FGF10: variants seen among roughly 807,000 people sequenced by gnomAD.
The protein encoded by FGF10 is FGF-10.
In FGF10, 2 loss-of-function variants were observed where a neutral mutation model predicts 19.8. That is an observed-to-expected ratio of 0.10 (90% confidence interval 0.04 to 0.32). FGF10 has a LOEUF of 0.32. Ranked by LOEUF, FGF10 falls within the 10% of genes least tolerant of loss-of-function variation. FGF10 has a pLI of 1.00. For synonymous variants in FGF10, 112 were observed against 94.0 expected, an observed-to-expected ratio of 1.19 and a Z score of -1.10; for missense variants, 191 against 246.3, an observed-to-expected ratio of 0.78 and a Z score of 1.50.
chr5:44,349,443 T>TC (rs1432271611), intron 1 of FGF10, among the ~76,000 whole-genome samples: 7 of 12,462 alleles, frequency 5.6e-4, no homozygotes, highest in African/African-American at 1.5e-3. Flanking sequence ...TATATATATA[T>TC]ATATATATAT....
chr5:44,340,156 A>G (rs374871472), intron 1 of FGF10, among the ~76,000 whole-genome samples: 7 of 152,152 alleles, frequency 4.6e-5, no homozygotes, highest in African/African-American at 1.7e-4. Flanking sequence ...AAAGGAGTGT[A>G]TAAAAATGAC....
intron 1 of FGF10, among the ~76,000 whole-genome samples, chr5:44,321,703 C>T (rs967815673): frequency 3.3e-5 from 5 of 152,214 alleles, no homozygotes; most frequent in Non-Finnish European, 5.9e-5. Context: ...CATTAAAGTA[C>T]ATGCTCTTAA....
intron 1 of FGF10, among the ~76,000 whole-genome samples, chr5:44,366,822 C>T (rs1269792902): frequency 4.6e-5 from 7 of 151,970 alleles, no homozygotes; most frequent in Non-Finnish European, 1.0e-4. Context: ...AAAATGGCTA[C>T]ATATAGATGT....
Position 44,373,142 on chromosome 5 carries a change from T to C in FGF10, c.325+15216A>G, listed in dbSNP as rs1741779747. 3.3e-5 allele frequency among the ~76,000 whole-genome samples: 5 copies of C among 152,300 alleles called. No homozygotes were observed. In the South Asian group the frequency reaches 1.0e-3, roughly 32 times the overall value. ...TCTCAAAAACTCTGTGGTCCTCCCATGTATGTCACAGGGATTCATGCCATG... is the reference window on the plus strand; with the variant it reads ...TCTCAAAAACTCTGTGGTCCTCCCACGTATGTCACAGGGATTCATGCCATG... On this transcript the variant is annotated intron_variant, in intron 1 of 2. Coordinates refer to ENST00000264664, the MANE Select transcript of FGF10 (RefSeq NM_004465.2).
chr5:44,352,998 G>A lies in FGF10; in HGVS notation c.325+35360C>T, dbSNP rs570865150. ...AGAAAATGTTTTGTAATTTAAAAAAGATTTCTTAGTATGACACAATGCCAT... is the reference window on the plus strand; with the variant it reads ...AGAAAATGTTTTGTAATTTAAAAAAAATTTCTTAGTATGACACAATGCCAT... On this transcript the variant is annotated intron_variant, in intron 1 of 2. Transcript: ENST00000264664. Among the ~76,000 whole-genome samples, 3 of 151,648 alleles carry A rather than the reference G, an allele frequency of 2.0e-5. No individual in the cohort carries two copies. In the East Asian group the frequency reaches 5.9e-4, roughly 30 times the overall value.
intron 1 of FGF10, among the ~76,000 whole-genome samples, chr5:44,340,733 T>C (rs546238968): frequency 6.6e-6 from 1 of 151,890 alleles, no homozygotes; most frequent in Non-Finnish European, 1.5e-5. Flanking sequence ...ACAGCTAACC[T>C]TTTTTTCTAG....
intron 1 of FGF10, among the ~76,000 whole-genome samples, chr5:44,386,187 T>C (rs145564707): frequency 6.6e-6 from 1 of 152,162 alleles, no homozygotes; most frequent in Non-Finnish European, 1.5e-5. Context: ...AAATTCAGTG[T>C]GTACTGTGGA....
chr5:44,378,263 G>T (rs1741909807), intron 1 of FGF10, among the ~76,000 whole-genome samples: 1 of 152,124 alleles, frequency 6.6e-6, no homozygotes, highest in Non-Finnish European at 1.5e-5. Context: ...TCTACTTGTG[G>T]CATCATGTTG....
At chr5:44,336,901 C>A (rs758965356) in intron 1 of FGF10, among the ~76,000 whole-genome samples, 10 of 152,040 alleles carry the variant, frequency 6.6e-5, no homozygotes, top group East Asian at 3.9e-4. Context: ...AGACAAAGAG[C>A]GCTTACTAAC....
chr5:44,388,221 G>T, intron 1 of FGF10, 137 bp downstream of exon 1: 1 of 843,984 alleles, frequency 1.2e-6, no homozygotes, highest in African/African-American at 1.7e-5. Context: ...GAATTAGTGT[G>T]AAAGTATTCC....
At chr5:44,329,648 C>G (rs1337922111) in intron 1 of FGF10, among the ~76,000 whole-genome samples, 1 of 151,944 alleles carries the variant, frequency 6.6e-6, no homozygotes, top group Non-Finnish European at 1.5e-5. Context: ...GAGCATGTAC[C>G]CAATATAAGA....
At chr5:44,358,142 A>C (rs977562793) in intron 1 of FGF10, among the ~76,000 whole-genome samples, 4 of 151,536 alleles carry the variant, frequency 2.6e-5, no homozygotes, top group African/African-American at 9.7e-5. Flanking sequence ...GACAATTAGG[A>C]AGATTCTACA....
In FGF10 at chr5:44,388,081, C is replaced by T. The variant is rs180848666; in HGVS notation, c.325+277G>A. On this transcript the variant is annotated intron_variant, in intron 1 of 2. Coordinates refer to ENST00000264664, the MANE Select transcript of FGF10 (RefSeq NM_004465.2). ...GCACTGCAACAACTCTCTTGAGCGC[C>T]CTGCGTGGTCCGGCTAGTGACAGGC... Among the ~76,000 whole-genome samples the T allele has an allele frequency of 7.9e-5, 12 of 151,640 alleles. No homozygotes were observed. The East Asian group carries it at 2.4e-3, about 30-fold the overall frequency.
intron 1 of FGF10, among the ~76,000 whole-genome samples, chr5:44,364,464 C>T (rs1344602465): frequency 1.3e-5 from 2 of 151,818 alleles, no homozygotes; most frequent in Non-Finnish European, 1.5e-5. Flanking sequence ...GGAGGTGTTA[C>T]TGGCATTCAG....
intron 1 of FGF10, among the ~76,000 whole-genome samples, chr5:44,333,869 C>T (rs976141606): frequency 1.3e-5 from 2 of 152,114 alleles, no homozygotes; most frequent in South Asian, 2.1e-4. Context: ...CTGTGAGGAG[C>T]GTGGCTGTAG....
intron 1 of FGF10, among the ~76,000 whole-genome samples, chr5:44,374,885 A>ATT (rs11415617): frequency 1.2e-4 from 19 of 152,074 alleles, no homozygotes; most frequent in Non-Finnish European, 2.2e-4. Flanking sequence ...ATGATTACAC[A>ATT]TTTTTTTAAT....
chr5:44,315,833 G>T (rs987568492), intron 1 of FGF10, among the ~76,000 whole-genome samples: 3 of 152,096 alleles, frequency 2.0e-5, no homozygotes, highest in Admixed American at 6.6e-5. Flanking sequence ...ATACCTCTGG[G>T]ATTATGTGGC....
At chr5:44,310,856 C>G (rs190340499) in intron 1 of FGF10, among the ~76,000 whole-genome samples, 2 of 152,198 alleles carry the variant, frequency 1.3e-5, no homozygotes, top group Admixed American at 1.3e-4. Context: ...AATATTGAAA[C>G]AACTCTACTC....
chr5:44,303,887 G>A lies in FGF10; in HGVS notation c.*1108C>T, dbSNP rs1740015516. On this transcript the variant is annotated 3_prime_UTR_variant, in exon 3 of 3. Coordinates refer to ENST00000264664, the MANE Select transcript of FGF10 (RefSeq NM_004465.2). ...CAGAGGGTTTTTAGAGATGTGGACAGCCTCTTTACCGCCATGACATTTGGC... is the reference window on the plus strand; with the variant it reads ...CAGAGGGTTTTTAGAGATGTGGACAACCTCTTTACCGCCATGACATTTGGC... 6.6e-6 allele frequency: 1 copy of A among 152,166 alleles called. No individual in the cohort carries two copies. The highest frequency in any genetic ancestry group is 2.1e-4 in the South Asian group (1 of 4,826). The allele number at this position is 152,166 out of a possible 1,614,324, so 9.4% of individuals were successfully genotyped here.
Sources: gnomAD v4.1 joint callset for allele counts (sites outside exome capture counted in the v4.1 genomes callset) on GRCh38, gnomAD v4.1.1 for gene constraint, MANE v1.5 for transcripts, NCBI Gene and HGNC (gene_info 2026-07-23, HGNC 2026-07-21) for gene names.